The following RBM10 variants were observed in gnomAD, a reference collection of about 807,000 sequenced individuals.
The protein encoded by RBM10 is RNA-binding protein 10.
Under a neutral mutation model 84.9 loss-of-function variants are expected in RBM10, and 1 was observed. That is an observed-to-expected ratio of 0.01 (90% CI 0.00 to 0.06). The LOEUF is 0.06. Among genes scored for constraint, RBM10 ranks in the 10% least tolerant of loss-of-function variants. RBM10 has a pLI of 1.00. For missense variants in RBM10, 438 were observed against 839.0 expected (o/e 0.52, Z 5.90); for synonymous variants, 326 against 344.5 (o/e 0.95, Z 0.60).
chrX:47,158,076 T>C, intron 2 of RBM10: 1 of 183,456 alleles, frequency 5.5e-6, no homozygotes, highest in Non-Finnish European at 1.0e-5. Flanking sequence ...GCGCCCGGCC[T>C]CAGCTGCACC....
intron 2 of RBM10, among the ~76,000 whole-genome samples, chrX:47,151,784 C>T (rs957505309): frequency 1.4e-4 from 16 of 112,500 alleles, no homozygotes; most frequent in Non-Finnish European, 2.3e-4. Context: ...AAAGTTTCTC[C>T]ATTAAGTATG....
chrX:47,162,788 C>T (rs1416089855), intron 2 of RBM10, among the ~76,000 whole-genome samples: 3 of 109,836 alleles, frequency 2.7e-5, no homozygotes, highest in African/African-American at 6.6e-5. Context: ...GCAGGAGAAT[C>T]GCTTGAACCC....
intron 2 of RBM10, among the ~76,000 whole-genome samples, chrX:47,168,995 C>T (rs1556770336): frequency 1.8e-5 from 2 of 110,123 alleles, no homozygotes. Flanking sequence ...AGATGTGGAG[C>T]AGGGATTTAG....
intron 5 of RBM10, among the ~76,000 whole-genome samples, chrX:47,174,783 A>G (rs1280922547): frequency 9.5e-6 from 1 of 104,876 alleles, no homozygotes; most frequent in Non-Finnish European, 2.0e-5. Context: ...CCCCCTACCG[A>G]CCTCTGGCCT....
chrX:47,159,510 G>A (rs1005830618), intron 2 of RBM10, among the ~76,000 whole-genome samples: 1 of 110,427 alleles, frequency 9.1e-6, no homozygotes, highest in African/African-American at 3.3e-5. Context: ...TTACTGGGTC[G>A]AATAGCCAAA....
chrX:47,181,746 C>T lies in RBM10; in HGVS notation c.1576-3C>T, dbSNP rs1349740887. 8.3e-7 allele frequency: 1 copy of T among 1,209,001 alleles called. No homozygotes were observed. The highest frequency in any genetic ancestry group is 2.2e-5 in the Admixed American group (1 of 45,721). On this transcript the variant is annotated splice_polypyrimidine_tract_variant and splice_region_variant and intron_variant, in intron 14 of 23. Transcript: ENST00000377604. ...CTGTTCTCCTGTCTGGCCCCATGAC[C>T]AGTCGTATACCATCATGTCACCCGC...
At chrX:47,159,509 C>T (rs1235607534) in intron 2 of RBM10, among the ~76,000 whole-genome samples, 2 of 110,044 alleles carry the variant, frequency 1.8e-5, no homozygotes, top group African/African-American at 6.6e-5. Context: ...ATTACTGGGT[C>T]GAATAGCCAA....
At chrX:47,174,762 T>G (rs1191442580) in intron 5 of RBM10, among the ~76,000 whole-genome samples, 1 of 111,188 alleles carries the variant, frequency 9.0e-6, no homozygotes, top group Non-Finnish European at 1.9e-5. Flanking sequence ...CCAGTTGGTG[T>G]GTGTGTCTCT....
At chrX:47,151,873 A>G (rs1932802244) in intron 2 of RBM10, among the ~76,000 whole-genome samples, 1 of 112,623 alleles carries the variant, frequency 8.9e-6, no homozygotes, top group Non-Finnish European at 1.9e-5. Flanking sequence ...AAGATTGACC[A>G]TAAATAAGTA....
chrX:47,157,872 C>G (rs1194382172), intron 2 of RBM10: 3 of 293,486 alleles, frequency 1.0e-5, no homozygotes, highest in Non-Finnish European at 1.8e-5. Flanking sequence ...CTCTGCCCCC[C>G]AGGTTCAAGC....
chrX:47,174,877 CCT>C (rs1935010281), intron 5 of RBM10, 140 bp from the exon 6 acceptor site: 1 of 408,083 alleles, frequency 2.5e-6, no homozygotes, highest in African/African-American at 2.6e-5. Flanking sequence ...TCTCTGATTG[CCT>C]CTTTCTCTTT....
intron 12 of RBM10, 132 bp from the exon 13 acceptor site, chrX:47,181,083 C>T (rs1182442296): frequency 2.1e-6 from 1 of 481,038 alleles, no homozygotes; most frequent in Admixed American, 3.8e-5. Flanking sequence ...TTCCACTTGT[C>T]TTAAGGCTGC....
At chrX:47,176,700 TCTC>T in intron 7 of RBM10, 114 bp downstream of exon 7, 5 of 1,122,974 alleles carry the variant, frequency 4.5e-6, no homozygotes, top group Non-Finnish European at 5.9e-6. Context: ...TCCCCCAATC[TCTC>T]CTCTCCCTCT....
At chrX:47,155,601 C>T (rs782586531) in intron 2 of RBM10, among the ~76,000 whole-genome samples, 50 of 105,386 alleles carry the variant, frequency 4.7e-4, no homozygotes, top group Non-Finnish European at 8.4e-4. Flanking sequence ...GCTGTGGTGG[C>T]GGGCGCCTGT....
intron 2 of RBM10, among the ~76,000 whole-genome samples, chrX:47,149,806 G>A (rs1932650372): frequency 9.3e-6 from 1 of 107,291 alleles, no homozygotes; most frequent in Non-Finnish European, 1.9e-5. Flanking sequence ...TAATTTTGAT[G>A]TGCTAGCATC....
chrX:47,179,175 C>G lies in RBM10; in HGVS notation c.724+12C>G, dbSNP rs1239807712. 1 of 1,206,643 alleles carries G rather than the reference C, an allele frequency of 8.3e-7. No homozygotes were observed. The highest frequency in any genetic ancestry group is 1.7e-5 in the African/African-American group (1 of 57,290). On this transcript the variant is annotated intron_variant, in intron 8 of 23. Transcript: ENST00000377604. ...CGTGCCCAAGTCAGGTGAGGCCCACCTACCTCTCGTGCTCTCCAGGGCGGA... is the reference window on the plus strand; with the variant it reads ...CGTGCCCAAGTCAGGTGAGGCCCACGTACCTCTCGTGCTCTCCAGGGCGGA...
chrX:47,167,421 C>T (rs1556769665), intron 2 of RBM10, among the ~76,000 whole-genome samples: 1 of 105,120 alleles, frequency 9.5e-6, no homozygotes, highest in Non-Finnish European at 2.0e-5. Flanking sequence ...CTCTGTCACC[C>T]AGACTGGCAG....
At chrX:47,177,708 G>A (rs782324425) in intron 7 of RBM10, among the ~76,000 whole-genome samples, 3 of 109,978 alleles carry the variant, frequency 2.7e-5, no homozygotes, top group Admixed American at 9.7e-5. Context: ...TGTCTCCAGC[G>A]CTCAAGCCAT....
chrX:47,158,500 C>G (rs984923860), intron 2 of RBM10, among the ~76,000 whole-genome samples: 12 of 112,306 alleles, frequency 1.1e-4, no homozygotes, highest in African/African-American at 3.9e-4. Context: ...CTCCCTGGTT[C>G]AAGCAATTCT....
Sources: gnomAD v4.1 joint callset for allele counts (sites outside exome capture counted in the v4.1 genomes callset) on GRCh38, gnomAD v4.1.1 for gene constraint, MANE v1.5 for transcripts, NCBI Gene and HGNC (gene_info 2026-07-23, HGNC 2026-07-21) for gene names.